ENPP4: variants seen among roughly 807,000 people sequenced by gnomAD.
ENPP4 encodes the protein bis(5'-adenosyl)-triphosphatase ENPP4.
ENPP4 carries 18 observed loss-of-function variants against 33.4 expected under a neutral mutation model. That is an observed-to-expected ratio of 0.54 (90% CI 0.37 to 0.80). The LOEUF is 0.80. Ranked by LOEUF, ENPP4 falls within the 30% of genes least tolerant of loss-of-function variation. The probability of loss-of-function intolerance (pLI) is 0.00; values close to 1 mark genes in which losing one functional copy is unlikely to be tolerated. For missense variants in ENPP4, 480 were observed against 541.7 expected (o/e 0.89, Z 1.13); for synonymous variants, 172 against 189.9 (o/e 0.91, Z 0.78).
At chr6:46,143,200 T>A (rs79426264) in intron 3 of ENPP4, 76 bp from the exon 4 acceptor site, 92,139 of 1,383,344 alleles carry the variant, frequency 0.067, 3,825 homozygotes, top group East Asian at 0.18. Flanking sequence ...GAATTGAATG[T>A]TTATATACTA....
intron 1 of ENPP4, 128 bp from the exon 2 acceptor site, chr6:46,139,423 A>T (rs752364227): frequency 3.7e-6 from 2 of 547,802 alleles, no homozygotes; most frequent in Non-Finnish European, 6.4e-6. Context: ...AATAAATGGT[A>T]TTATTTAAGT....
At chr6:46,131,500 T>C (rs1316627775) in intron 1 of ENPP4, among the ~76,000 whole-genome samples, 1 of 152,192 alleles carries the variant, frequency 6.6e-6, no homozygotes, top group East Asian at 1.9e-4. Context: ...TCATTTTTTA[T>C]GGCTGCATAG....
chr6:46,136,868 C>T (rs1247297547), intron 1 of ENPP4, among the ~76,000 whole-genome samples: 2 of 151,880 alleles, frequency 1.3e-5, no homozygotes, highest in African/African-American at 2.4e-5. Flanking sequence ...GTTAAAAATG[C>T]TTGTTTCAAA....
intron 1 of ENPP4, 48 bp from the exon 2 acceptor site, chr6:46,139,503 C>A (rs1581955571): frequency 1.3e-6 from 1 of 767,104 alleles, no homozygotes; most frequent in Non-Finnish European, 2.2e-6. Context: ...AAAACTTAAC[C>A]CAAATGAAAT....
intron 2 of ENPP4, among the ~76,000 whole-genome samples, chr6:46,140,821 A>G (rs994277406): frequency 6.6e-6 from 1 of 151,608 alleles, no homozygotes; most frequent in South Asian, 2.1e-4. Flanking sequence ...CCTATCTGTA[A>G]AAGTCCACCA....
In ENPP4 at chr6:46,130,109, C is replaced by T. The variant is rs1003484920; in HGVS notation, c.-114C>T. The stretch of plus-strand genomic sequence containing the variant: ...CATCGCCCCTCTTCCTCCAGGTCCC[C>T]CTTCCCCGCAACTTCCCACGAGTGC... On this transcript the variant is annotated 5_prime_UTR_variant, in exon 1 of 4. Transcript: ENST00000321037. 6.6e-6 allele frequency: 1 copy of T among 152,278 alleles called. No homozygotes were observed. Among genetic ancestry groups the T allele is most frequent in the East Asian group, 1.9e-4 (1 of 5,168 alleles). 9.4% of individuals were successfully genotyped at this position (152,278 alleles called of 1,614,324 possible).
At position 46,145,886 on chromosome 6, in the gene ENPP4, G is replaced by A. The variant is rs1179812878; in HGVS notation, c.*2246G>A. 1.3e-5 allele frequency: 2 copies of A among 151,876 alleles called. No homozygotes were observed. The highest frequency in any genetic ancestry group is 1.9e-4 in the East Asian group (1 of 5,198). 9.4% of individuals were successfully genotyped at this position (151,876 alleles called of 1,614,324 possible). Reference sequence around the variant, plus strand: ...TAAAACATATATTATATTGAACTATGTGTTAATTCATTTGTATCTTTTAAA... The same window carrying A: ...TAAAACATATATTATATTGAACTATATGTTAATTCATTTGTATCTTTTAAA... On this transcript the variant is annotated 3_prime_UTR_variant, in exon 4 of 4. Coordinates refer to ENST00000321037, the MANE Select transcript of ENPP4 (RefSeq NM_014936.5).
At chr6:46,135,527 T>A in intron 1 of ENPP4, among the ~76,000 whole-genome samples, 1 of 152,084 alleles carries the variant, frequency 6.6e-6, no homozygotes, top group East Asian at 1.9e-4. Flanking sequence ...ACTTTTATTA[T>A]TGAGTTGTAG....
In ENPP4 at chr6:46,144,458, A is replaced by G. The variant is rs1461973314; in HGVS notation, c.*818A>G. On this transcript the variant is annotated 3_prime_UTR_variant, in exon 4 of 4. Coordinates refer to ENST00000321037, the MANE Select transcript of ENPP4 (RefSeq NM_014936.5). The stretch of plus-strand genomic sequence containing the variant: ...TTGTGTGGACATTATGTGATTTACT[A>G]TATAAGGAGGTCAGAGATGGACTGT... 2.6e-5 allele frequency: 4 copies of G among 151,996 alleles called. No individual in the cohort carries two copies. Among genetic ancestry groups the G allele is most frequent in the Non-Finnish European group, 5.9e-5 (4 of 67,912 alleles). 9.4% of individuals were successfully genotyped at this position (151,996 alleles called of 1,614,324 possible).
chr6:46,144,663 T>A lies in ENPP4; in HGVS notation c.*1023T>A. 3.2e-6 allele frequency: 1 copy of A among 309,014 alleles called. No individual in the cohort carries two copies. Among genetic ancestry groups the A allele is most frequent in the Non-Finnish European group, 5.9e-6 (1 of 170,558 alleles). 19.1% of individuals were successfully genotyped at this position (309,014 alleles called of 1,614,324 possible). A position where few individuals can be genotyped will look rare whatever the true frequency, so the allele number is the denominator to read the frequency against. Reference sequence around the variant, plus strand: ...GGTATCCAAATGCTACAGAAAAATTTATGACCCAAATACAAATCTCAATTT... The same window carrying A: ...GGTATCCAAATGCTACAGAAAAATTAATGACCCAAATACAAATCTCAATTT... On this transcript the variant is annotated 3_prime_UTR_variant, in exon 4 of 4. Coordinates refer to ENST00000321037, the MANE Select transcript of ENPP4 (RefSeq NM_014936.5).
In ENPP4 at chr6:46,143,756, A is replaced by G; in HGVS notation, c.*116A>G. ...CTTTGAAAGACAAAGAACTTAGACTAAGCATGTTAAAATTATTACTTTGTT... is the reference window on the plus strand; with the variant it reads ...CTTTGAAAGACAAAGAACTTAGACTGAGCATGTTAAAATTATTACTTTGTT... On this transcript the variant is annotated 3_prime_UTR_variant, in exon 4 of 4. Coordinates refer to ENST00000321037, the MANE Select transcript of ENPP4 (RefSeq NM_014936.5). 9.5e-7 allele frequency: 1 copy of G among 1,054,900 alleles called. No individual in the cohort carries two copies. Among genetic ancestry groups the G allele is most frequent in the Non-Finnish European group, 1.4e-6 (1 of 730,664 alleles). The allele number at this position is 1,054,900 out of a possible 1,614,324, so 65.3% of individuals were successfully genotyped here. A position where few individuals can be genotyped will look rare whatever the true frequency, so the allele number is the denominator to read the frequency against.
chr6:46,140,734 T>A (rs1334046085), intron 2 of ENPP4, among the ~76,000 whole-genome samples: 1 of 151,720 alleles, frequency 6.6e-6, no homozygotes, highest in Non-Finnish European at 1.5e-5. Flanking sequence ...TTTCTTCTAC[T>A]GATCATAGAA....
rs749412634 is a variant in ENPP4 at position 46,139,599 on chromosome 6, A to G, written c.16A>G (p.Ile6Val). The G allele has an allele frequency of 8.4e-5, 132 of 1,579,422 alleles. 4 individuals carry two copies. In the South Asian group the frequency reaches 1.4e-3, roughly 17 times the overall value. MKLLVILLFSGLITGF... is the reference protein window; with the variant it reads MKLLVVLLFSGLITGF... ...CGTGTTCATTATGAAGTTATTAGTA[A>G]TACTTTTGTTTTCTGGACTTATAAC... is the stretch of plus-strand genomic sequence containing the variant. Residue 6 changes from isoleucine (I) to valine (V), a missense_variant, in exon 2 of 4, where the codon ATA (isoleucine) becomes GTA (valine). This residue lies in a region of ENPP4 where 227 missense variants were observed against 273.7 expected (regional missense o/e 0.83). Coordinates refer to ENST00000321037, the MANE Select transcript of ENPP4 (RefSeq NM_014936.5).
chr6:46,140,201 G>A lies in ENPP4; in HGVS notation c.618G>A (p.Val206=). ...GPEDKENMSR[V]LKKIDDLIGD... is the part of the protein sequence containing the mutation. ...AAGATAAAGAAAACATGAGCAGAGT[G>A]TTGAAAAAAATAGATGATCTTATCG... Residue 206 remains valine (V), a synonymous_variant, in exon 2 of 4, where the codon GTG becomes GTA. Coordinates refer to ENST00000321037, the MANE Select transcript of ENPP4 (RefSeq NM_014936.5). The A allele has an allele frequency of 1.2e-6, 2 of 1,612,476 alleles. No individual in the cohort carries two copies. The highest frequency in any genetic ancestry group is 2.2e-5 in the East Asian group (1 of 44,842).
At chr6:46,140,727 C>CCCT (rs1269405779) in intron 2 of ENPP4, among the ~76,000 whole-genome samples, 1 of 151,620 alleles carries the variant, frequency 6.6e-6, no homozygotes, top group Non-Finnish European at 1.5e-5. Context: ...GAGGTACTTT[C>CCCT]TTCTACTGAT....
chr6:46,132,577 G>A (rs903211495), intron 1 of ENPP4, among the ~76,000 whole-genome samples: 1 of 152,188 alleles, frequency 6.6e-6, no homozygotes, highest in South Asian at 2.1e-4. Context: ...ATCGTTTGAA[G>A]TCAGGTAGTG....
intron 1 of ENPP4, among the ~76,000 whole-genome samples, chr6:46,137,923 G>A (rs933959117): frequency 3.6e-5 from 5 of 139,162 alleles, no homozygotes; most frequent in African/African-American, 1.3e-4. Flanking sequence ...GATCCTCCAG[G>A]TGGCATGTTT....
Position 46,145,028 on chromosome 6 carries a change from G to C in ENPP4, c.*1388G>C. ...GTGACAGACTAGATTATATTTAGTA[G>C]GGGAAAAATTGGGCTCAAGAACCAT... is the stretch of plus-strand genomic sequence containing the variant. On this transcript the variant is annotated 3_prime_UTR_variant, in exon 4 of 4. Transcript: ENST00000321037. 2.5e-6 allele frequency: 1 copy of C among 395,780 alleles called. No individual in the cohort carries two copies. The highest frequency in any genetic ancestry group is 4.5e-6 in the Non-Finnish European group (1 of 223,938). 24.5% of individuals were successfully genotyped at this position (395,780 alleles called of 1,614,324 possible). A position where few individuals can be genotyped will look rare whatever the true frequency, so the allele number is the denominator to read the frequency against.
chr6:46,143,310 T>C lies in ENPP4; in HGVS notation c.1032T>C (p.Ser344=), dbSNP rs1251633008. 6.2e-7 allele frequency: 1 copy of C among 1,604,500 alleles called. No individual in the cohort carries two copies. The highest frequency in any genetic ancestry group is 1.1e-5 in the South Asian group (1 of 90,292). The change falls in exon 4 of 4, where the codon AGT becomes AGC. Residue 344 remains serine, a synonymous_variant. Transcript: ENST00000321037. ...ATGGTTATGATAATTCTTTGCCTAG[T>C]ATGCATCCATTTCTAGCTGCCCACG... The part of the protein sequence containing the change: ...GDHGYDNSLP[S]MHPFLAAHGP...
Sources: gnomAD v4.1 joint callset for allele counts (sites outside exome capture counted in the v4.1 genomes callset) on GRCh38, gnomAD v4.1.1 for gene constraint, gnomAD v4.1.1 regional missense constraint, MANE v1.5 for transcripts, NCBI Gene and HGNC (gene_info 2026-07-23, HGNC 2026-07-21) for gene names.